SPTAN1: variants seen among roughly 807,000 people sequenced by gnomAD.
The protein encoded by SPTAN1 is spectrin alpha, non-erythrocytic 1.
In SPTAN1, 61 loss-of-function variants were observed where a neutral mutation model predicts 331.3. That is an observed-to-expected ratio of 0.18 (90% CI 0.15 to 0.23). SPTAN1 has a LOEUF of 0.23. SPTAN1 is among the 10% of genes least tolerant of loss of function. SPTAN1 has a pLI of 1.00. For synonymous variants in SPTAN1, 1,153 were observed against 1,173.9 expected (o/e 0.98, Z 0.36); for missense variants, 2,043 against 3,147.9 (o/e 0.65, Z 8.40).
rs745394212 is a variant in SPTAN1, at chr9:128,609,130, G to A, written c.4604G>A (p.Arg1535His). The A allele has an allele frequency of 1.5e-5, 24 of 1,614,192 alleles. No homozygotes were observed. The highest frequency in any genetic ancestry group is 1.6e-4 in the Middle Eastern group (1 of 6,062). ...RRNEVLDRWRRLKAQMIEKRS... is the reference protein window; with the variant it reads ...RRNEVLDRWRHLKAQMIEKRS... ...TGGTTTCACTCTTTCAGGTGGCGAC[G>A]TCTGAAAGCCCAGATGATTGAGAAA... The change falls in exon 36 of 57, where the codon CGT becomes CAT. Residue 1535 changes from arginine (R) to histidine (H), a missense_variant. This residue lies in a region of SPTAN1 where 323 missense variants were observed against 581.1 expected (regional missense o/e 0.56). Coordinates refer to ENST00000372739, the MANE Select transcript of SPTAN1 (RefSeq NM_001130438.3).
intron 45 of SPTAN1, 58 bp from the exon 46 acceptor site, chr9:128,624,270 T>C (rs1479944715): frequency 1.9e-6 from 3 of 1,609,050 alleles, no homozygotes; most frequent in East Asian, 2.2e-5. Context: ...AGGGAGGGCA[T>C]AGTCAGGTAA....
chr9:128,576,820 T>G lies in SPTAN1; in HGVS notation c.652-3T>G. ...AATCCAGTCTCTTCTCTTCCTTGTT[T>G]AGGAGCAGCACCCTGAGGAGGAACT... is the stretch of plus-strand genomic sequence containing the variant. On this transcript the variant is annotated splice_polypyrimidine_tract_variant and splice_region_variant and intron_variant, in intron 5 of 56. Coordinates refer to ENST00000372739, the MANE Select transcript of SPTAN1 (RefSeq NM_001130438.3). The G allele has an allele frequency of 6.2e-7, 1 of 1,613,598 alleles. No individual in the cohort carries two copies. Among genetic ancestry groups the G allele is most frequent in the East Asian group, 2.2e-5 (1 of 44,886 alleles).
intron 10 of SPTAN1, among the ~76,000 whole-genome samples, chr9:128,580,209 G>A (rs577128759): frequency 6.6e-6 from 1 of 151,738 alleles, no homozygotes; most frequent in South Asian, 2.1e-4. Context: ...AGCTACTTGA[G>A]TTCAAGGTTA....
At chr9:128,626,730 G>A (rs745379624) in intron 49 of SPTAN1, 43 bp downstream of exon 49, 28 of 1,561,490 alleles carry the variant, frequency 1.8e-5, no homozygotes, top group Non-Finnish European at 2.2e-5. Context: ...GCCTCCCAGA[G>A]CCCTCTCTGG....
chr9:128,556,294 T>C (rs1207751541), intron 1 of SPTAN1, among the ~76,000 whole-genome samples: 1 of 151,918 alleles, frequency 6.6e-6, no homozygotes, highest in Non-Finnish European at 1.5e-5. Flanking sequence ...AAGTCGGACC[T>C]TTTTCACAAA....
At position 128,582,472 on chromosome 9, in the gene SPTAN1, T is replaced by C; in HGVS notation, c.1573-7T>C. On this transcript the variant is annotated splice_region_variant and splice_polypyrimidine_tract_variant and intron_variant, in intron 12 of 56. Transcript: ENST00000372739. Reference sequence around the variant, plus strand: ...TACCAATGAAGAACTCTTATCTTCCTTCCTAGGCATTAGATGAATTTGCAA... The same window carrying C: ...TACCAATGAAGAACTCTTATCTTCCCTCCTAGGCATTAGATGAATTTGCAA... 1 of 1,614,116 alleles carries C rather than the reference T, an allele frequency of 6.2e-7. No individual in the cohort carries two copies. Among genetic ancestry groups the C allele is most frequent in the Non-Finnish European group, 8.5e-7 (1 of 1,179,960 alleles).
chr9:128,615,047 C>G (rs556425169), intron 40 of SPTAN1, among the ~76,000 whole-genome samples: 53 of 152,316 alleles, frequency 3.5e-4, no homozygotes, highest in African/African-American at 1.2e-3. Context: ...TATTAGGAAG[C>G]CTTCAGGCTC....
At position 128,611,762 on chromosome 9, in the gene SPTAN1, G is replaced by A. The variant is rs775707176; in HGVS notation, c.4822G>A (p.Ala1608Thr). 1.7e-5 allele frequency: 27 copies of A among 1,613,986 alleles called. No homozygotes were observed. Among genetic ancestry groups the A allele is most frequent in the Non-Finnish European group, 2.1e-5 (25 of 1,180,038 alleles). ...TTTTGAAGCAGAGCTGCATGCCAAC[G>A]CTGACCGGATCCGTGGGGTTATCGA... ...QAFEAELHANADRIRGVIDMG... is the reference protein window; with the variant it reads ...QAFEAELHANTDRIRGVIDMG... Residue 1608 changes from alanine to threonine, a missense_variant, in exon 38 of 57, where the codon GCT becomes ACT. Transcript: ENST00000372739.
In SPTAN1 at chr9:128,627,857, T is replaced by TC; in HGVS notation, c.6690-62dup. The TC allele has an allele frequency of 6.4e-7, 1 of 1,574,104 alleles. No individual in the cohort carries two copies. The highest frequency in any genetic ancestry group is 8.7e-7 in the Non-Finnish European group (1 of 1,143,572). ...CTTTCTTTCTTGTGTCTTCTCTCTGTCCCCCCGATTGCTGCTGTTGTCCGG... is the reference window on the plus strand; with the variant it reads ...CTTTCTTTCTTGTGTCTTCTCTCTGTCCCCCCCGATTGCTGCTGTTGTCCGG... On this transcript the variant is annotated intron_variant, in intron 50 of 56. Transcript: ENST00000372739. This position sits in a 1 kb window ranked among gnomAD's most constrained non-coding sequence, Gnocchi z 4.9.
intron 3 of SPTAN1, among the ~76,000 whole-genome samples, chr9:128,574,096 ATAGTTT>A (rs1851034828): frequency 6.6e-6 from 1 of 152,014 alleles, no homozygotes; most frequent in Admixed American, 6.6e-5. Flanking sequence ...GTTGTGCCTC[ATAGTTT>A]TTACATTGAT....
rs943785042 is a variant in SPTAN1 at position 128,621,024 on chromosome 9, A to G, written c.5734-134A>G. ...CTATTTATTAATGTTCCTCTTTATTATCCTCTTCCCCAGCTAGACTGTAAT... is the reference window on the plus strand; with the variant it reads ...CTATTTATTAATGTTCCTCTTTATTGTCCTCTTCCCCAGCTAGACTGTAAT... On this transcript the variant is annotated intron_variant, in intron 44 of 56. Transcript: ENST00000372739. 139 of 757,684 alleles carry G rather than the reference A, an allele frequency of 1.8e-4. 1 individual carries two copies. In the Admixed American group the frequency reaches 2.7e-3, roughly 15 times the overall value. The allele number at this position is 757,684 out of a possible 1,614,324, so 46.9% of individuals were successfully genotyped here.
At chr9:128,612,313 C>T in intron 39 of SPTAN1, 67 bp downstream of exon 39, 1 of 1,607,524 alleles carries the variant, frequency 6.2e-7, no homozygotes, top group Non-Finnish European at 8.5e-7. Context: ...GTGGGTCCAT[C>T]AGTGCCCAAA....
Position 128,566,829 on chromosome 9 carries a change from A to G in SPTAN1, c.89A>G (p.Lys30Arg), listed in dbSNP as rs1554735509. Reference sequence around the variant, plus strand: ...GTCCTAGACCGATACCACCGCTTCAAGGAACTCTCAACCCTTAGGCGTCAG... The same window carrying G: ...GTCCTAGACCGATACCACCGCTTCAGGGAACTCTCAACCCTTAGGCGTCAG... ...QQVLDRYHRF[K>R]ELSTLRRQKL... The change falls in exon 2 of 57, where the codon AAG (lysine) becomes AGG (arginine). Residue 30 changes from lysine to arginine, a missense_variant. Transcript: ENST00000372739. The G allele has an allele frequency of 1.9e-6, 3 of 1,614,256 alleles. No homozygotes were observed. The highest frequency in any genetic ancestry group is 2.5e-6 in the Non-Finnish European group (3 of 1,180,036).
At chr9:128,569,516 T>G (rs1406916120) in intron 3 of SPTAN1, among the ~76,000 whole-genome samples, 1 of 151,182 alleles carries the variant, frequency 6.6e-6, no homozygotes, top group East Asian at 1.9e-4. Flanking sequence ...TTCACATATC[T>G]AGTATGAAGA....
intron 3 of SPTAN1, among the ~76,000 whole-genome samples, chr9:128,569,851 C>T (rs902722532): frequency 6.6e-6 from 1 of 152,070 alleles, no homozygotes; most frequent in Admixed American, 6.6e-5. Context: ...TGTTGTCTCA[C>T]GTTTGCTTGG....
At chr9:128,590,459 T>C (rs1853320191) in intron 21 of SPTAN1, among the ~76,000 whole-genome samples, 2 of 150,660 alleles carry the variant, frequency 1.3e-5, no homozygotes, top group African/African-American at 4.9e-5. Context: ...GTCCCAGCAC[T>C]TTGGGAGGCC....
chr9:128,594,079 C>T (rs943306562), intron 23 of SPTAN1, 96 bp from the exon 24 acceptor site: 25 of 1,165,052 alleles, frequency 2.1e-5, no homozygotes, highest in Non-Finnish European at 3.0e-5. Context: ...AGCCTGGAAT[C>T]CACATCTTGG....
rs200531434 is a variant in SPTAN1, at chr9:128,633,278, G to A, written c.7378G>A (p.Glu2460Lys). 1.7e-5 allele frequency: 27 copies of A among 1,614,000 alleles called. No individual in the cohort carries two copies. The highest frequency in any genetic ancestry group is 8.0e-5 in the African/African-American group (6 of 75,022). The change falls in exon 57 of 57, where the codon GAG (glutamate) becomes AAG (lysine). Residue 2460 changes from glutamate to lysine, a missense_variant. Transcript: ENST00000372739. ...MKPYVDGKGR[E>K]LPTAFDYVEF... is the part of the protein sequence containing the mutation. The stretch of plus-strand genomic sequence containing the variant: ...GCCCTACGTGGACGGCAAGGGCCGC[G>A]AGCTCCCCACCGCGTTCGACTACGT...
At chr9:128,564,627 C>T (rs181793891) in intron 1 of SPTAN1, among the ~76,000 whole-genome samples, 5 of 152,068 alleles carry the variant, frequency 3.3e-5, no homozygotes, top group East Asian at 3.9e-4. Context: ...TTAGGTTGCT[C>T]GGTGTAATCA....
Sources: gnomAD v4.1 joint callset for allele counts (sites outside exome capture counted in the v4.1 genomes callset) on GRCh38, gnomAD v4.1.1 for gene constraint, gnomAD v4.1.1 regional missense constraint, Gnocchi (gnomAD v3.1) non-coding constraint, MANE v1.5 for transcripts, NCBI Gene and HGNC (gene_info 2026-07-23, HGNC 2026-07-21) for gene names.